Variants in MGAT4C observed in about 807,000 individuals in gnomAD.
The protein encoded by MGAT4C is alpha-1,3-mannosyl-glycoprotein 4-beta-N-acetylglucosaminyltransferase C.
MGAT4C carries 19 observed loss-of-function variants against 40.1 expected under a neutral mutation model. That is an observed-to-expected ratio of 0.47 (90% CI 0.33 to 0.70). MGAT4C has a LOEUF of 0.70. Among genes scored for constraint, MGAT4C ranks in the 30% least tolerant of loss-of-function variants. MGAT4C has a pLI of 0.02. For missense variants in MGAT4C, 491 were observed against 563.2 expected (o/e 0.87, Z 1.30); for synonymous variants, 181 against 187.1 (o/e 0.97, Z 0.27).
intron 1 of MGAT4C, among the ~76,000 whole-genome samples, chr12:86,083,845 T>A (rs1395508072): frequency 6.6e-6 from 1 of 152,004 alleles, no homozygotes; most frequent in Admixed American, 6.6e-5. Context: ...GTTGGCAAGT[T>A]GCAAAAAGAG....
intron 3 of MGAT4C, among the ~76,000 whole-genome samples, chr12:86,408,603 C>G (rs1956536828): frequency 1.3e-5 from 2 of 148,550 alleles, no homozygotes; most frequent in South Asian, 4.2e-4. Flanking sequence ...GTTTCCCATA[C>G]CTAGAGTCTC....
intron 1 of MGAT4C, among the ~76,000 whole-genome samples, chr12:86,818,763 A>T (rs1259240469): frequency 6.6e-6 from 1 of 151,244 alleles, no homozygotes; most frequent in African/African-American, 2.4e-5. Context: ...CTAGAACAGA[A>T]ACACATATGA....
rs181427885 is a variant in MGAT4C, at chr12:86,622,672, C to A, written c.-229+104537G>T. ...AAAATAATTTAACAATATTCTGGGA[C>A]AAAGCTCAAGAATATTAATGAGAAT... On this transcript the variant is annotated intron_variant, in intron 2 of 7. Coordinates refer to the MGAT4C transcript ENST00000548651. 5.5e-3 allele frequency among the ~76,000 whole-genome samples: 831 copies of A among 151,948 alleles called. 4 individuals are homozygous for A. The highest frequency in any genetic ancestry group is 9.0e-3 in the Non-Finnish European group (614 of 67,970).
intron 1 of MGAT4C, among the ~76,000 whole-genome samples, chr12:86,244,726 C>A (rs1395966054): frequency 6.6e-6 from 1 of 152,256 alleles, no homozygotes; most frequent in African/African-American, 2.4e-5. Context: ...ACACCTCACT[C>A]ATCAAAGAGG....
chr12:86,733,736 A>AG (rs924028427), intron 1 of MGAT4C, among the ~76,000 whole-genome samples: 5 of 151,996 alleles, frequency 3.3e-5, no homozygotes, highest in African/African-American at 1.2e-4. Flanking sequence ...GCAAGGAAGA[A>AG]GGGGGGGAGA....
At chr12:86,086,160 A>G (rs181378667) in intron 1 of MGAT4C, among the ~76,000 whole-genome samples, 428 of 152,282 alleles carry the variant, frequency 2.8e-3, no homozygotes, top group African/African-American at 1.0e-2. Flanking sequence ...TCAATGTTAG[A>G]CTGCATAAAG....
chr12:86,680,475 G>A (rs569735761), intron 2 of MGAT4C, among the ~76,000 whole-genome samples: 56 of 151,870 alleles, frequency 3.7e-4, no homozygotes, highest in Non-Finnish European at 6.6e-4. Flanking sequence ...CAGATCTGAT[G>A]GACTTCTTCC....
At chr12:85,983,129 ACT>A (rs1884806012) in intron 4 of MGAT4C, among the ~76,000 whole-genome samples, 1 of 152,200 alleles carries the variant, frequency 6.6e-6, no homozygotes, top group South Asian at 2.1e-4. Flanking sequence ...AAACTAAAAC[ACT>A]GAGTTTCATT....
intron 2 of MGAT4C, among the ~76,000 whole-genome samples, chr12:86,704,109 T>G (rs1377468662): frequency 1.3e-5 from 2 of 152,138 alleles, no homozygotes; most frequent in African/African-American, 2.4e-5. Context: ...ATAATTATAT[T>G]TTACTATATT....
At chr12:86,746,957 G>A (rs990315903) in intron 1 of MGAT4C, among the ~76,000 whole-genome samples, 1 of 151,544 alleles carries the variant, frequency 6.6e-6, no homozygotes, top group African/African-American at 2.4e-5. Context: ...ATTCAGAATT[G>A]CGTTCTTGGT....
At chr12:85,994,788 C>T (rs1408716821) in intron 2 of MGAT4C, among the ~76,000 whole-genome samples, 2 of 152,094 alleles carry the variant, frequency 1.3e-5, no homozygotes, top group Non-Finnish European at 2.9e-5. Flanking sequence ...AGCAAGAAAG[C>T]TCTCAAGATT....
chr12:86,159,097 C>A (rs1885302529), intron 1 of MGAT4C, among the ~76,000 whole-genome samples: 2 of 152,076 alleles, frequency 1.3e-5, no homozygotes, highest in Non-Finnish European at 2.9e-5. Context: ...GAGTAGGCAT[C>A]CTTGTCTTTT....
At chr12:86,497,974 TTA>T (rs1176528170) in intron 2 of MGAT4C, among the ~76,000 whole-genome samples, 3 of 145,248 alleles carry the variant, frequency 2.1e-5, no homozygotes, top group African/African-American at 5.0e-5. Context: ...TAAATATATA[TTA>T]TATATATAAT....
chr12:86,091,837 C>T (rs576647302), intron 1 of MGAT4C, among the ~76,000 whole-genome samples: 10 of 151,980 alleles, frequency 6.6e-5, no homozygotes, highest in African/African-American at 2.4e-4. Context: ...AAGTTCCTGC[C>T]TCTGGCATTC....
chr12:86,213,362 G>A (rs367848029), intron 1 of MGAT4C, among the ~76,000 whole-genome samples: 4 of 152,164 alleles, frequency 2.6e-5, no homozygotes, highest in Admixed American at 6.5e-5. Context: ...GTAATAGATT[G>A]ATCGGTTCAC....
intron 3 of MGAT4C, among the ~76,000 whole-genome samples, chr12:86,374,030 C>T (rs1955773926): frequency 6.6e-6 from 1 of 152,012 alleles, no homozygotes; most frequent in Admixed American, 6.6e-5. Context: ...GTCCTGAGCC[C>T]TACCTGCAGA....
intron 1 of MGAT4C, among the ~76,000 whole-genome samples, chr12:86,091,011 C>G (rs1019966123): frequency 6.6e-6 from 1 of 151,758 alleles, no homozygotes; most frequent in African/African-American, 2.4e-5. Context: ...TTTATCTTCC[C>G]TTTTCCTGTA....
At chr12:86,178,129 G>A (rs1213247307) in intron 1 of MGAT4C, among the ~76,000 whole-genome samples, 2 of 152,084 alleles carry the variant, frequency 1.3e-5, no homozygotes, top group African/African-American at 4.8e-5. Context: ...GTAGAGACAG[G>A]GTTTCACCGT....
chr12:86,608,880 A>G (rs1405079522), intron 2 of MGAT4C, among the ~76,000 whole-genome samples: 1 of 152,116 alleles, frequency 6.6e-6, no homozygotes, highest in Non-Finnish European at 1.5e-5. Flanking sequence ...GTCTTGTCTC[A>G]AACACTTTTT....
Sources: gnomAD v4.1 joint callset for allele counts (sites outside exome capture counted in the v4.1 genomes callset) on GRCh38, gnomAD v4.1.1 for gene constraint, MANE v1.5 for transcripts, NCBI Gene and HGNC (gene_info 2026-07-23, HGNC 2026-07-21) for gene names.